Variants in PCDHA11 observed in about 807,000 individuals in gnomAD.
PCDHA11 encodes protocadherin alpha 11.
In PCDHA11, 61 loss-of-function variants were observed where a neutral mutation model predicts 70.3. The observed-to-expected ratio is 0.87, with a 90% CI of 0.71 to 1.07. The LOEUF (loss-of-function observed/expected upper bound fraction) is 1.07. Ranked by LOEUF, PCDHA11 falls within the 50% of genes least tolerant of loss-of-function variation. The probability of loss-of-function intolerance (pLI) is 0.00; values close to 1 mark genes in which losing one functional copy is unlikely to be tolerated. For missense variants in PCDHA11, 1,324 were observed against 1,237.5 expected (o/e 1.07, Z -1.05); for synonymous variants, 633 against 555.1 (o/e 1.14, Z -1.97).
intron 1 of PCDHA11, chr5:140,876,900 G>T: frequency 1.2e-6 from 2 of 1,614,114 alleles, no homozygotes; most frequent in East Asian, 2.2e-5. Context: ...ACATCTTCAC[G>T]GTGTCGGCAT....
intron 1 of PCDHA11, chr5:140,882,663 T>C (rs782768442): frequency 4.0e-5 from 65 of 1,614,026 alleles, no homozygotes; most frequent in Non-Finnish European, 5.3e-5. Flanking sequence ...AACCCGCCCA[T>C]ATTCCCTGAA....
chr5:140,978,406 T>C (rs1268497033), intron 1 of PCDHA11, among the ~76,000 whole-genome samples: 1 of 152,206 alleles, frequency 6.6e-6, no homozygotes, highest in African/African-American at 2.4e-5. Context: ...CCCTCTTCAA[T>C]CAGAAAAGAG....
rs782037799 is a variant in PCDHA11 at position 140,877,180 on chromosome 5, G to A, written c.2391+5686G>A. ...CGCGCCGGCACTGCTGGCGACTCCG[G>A]CTGGCAGCGCAGGAGGCGCAGTTAG... On this transcript the variant is annotated intron_variant, in intron 1 of 3. Transcript: ENST00000398640. The A allele has an allele frequency of 1.1e-5, 18 of 1,613,692 alleles. No individual in the cohort carries two copies. In the South Asian group the frequency reaches 1.5e-4, roughly 14 times the overall value.
chr5:140,954,750 T>C (rs1045434392), intron 1 of PCDHA11, among the ~76,000 whole-genome samples: 7 of 152,228 alleles, frequency 4.6e-5, no homozygotes, highest in Non-Finnish European at 2.9e-5. Flanking sequence ...TAGTTTCTTT[T>C]GCTGTGCAGA....
chr5:140,941,462 C>T (rs1323217881), intron 1 of PCDHA11, among the ~76,000 whole-genome samples: 1 of 150,980 alleles, frequency 6.6e-6, no homozygotes, highest in Non-Finnish European at 1.5e-5. Context: ...ATTACAGGCG[C>T]CCACCACCAC....
intron 1 of PCDHA11, chr5:140,966,805 T>C (rs1554228690): frequency 6.5e-7 from 1 of 1,545,566 alleles, no homozygotes; most frequent in South Asian, 1.2e-5. Flanking sequence ...CGACAGAGCA[T>C]CCACGGCTCC....
At chr5:140,907,411 GA>G (rs1435126945) in intron 1 of PCDHA11, among the ~76,000 whole-genome samples, 1 of 152,192 alleles carries the variant, frequency 6.6e-6, no homozygotes, top group Non-Finnish European at 1.5e-5. Flanking sequence ...GGAATACCAC[GA>G]TGGTGGATAA....
intron 3 of PCDHA11, among the ~76,000 whole-genome samples, chr5:140,986,828 G>A (rs1001117075): frequency 3.9e-5 from 6 of 152,146 alleles, no homozygotes; most frequent in Non-Finnish European, 5.9e-5. Flanking sequence ...TTTAGACAAT[G>A]GTTCTCAAAG....
chr5:140,927,416 C>T (rs782053183), intron 1 of PCDHA11: 6 of 1,613,980 alleles, frequency 3.7e-6, no homozygotes, highest in Admixed American at 3.3e-5. Context: ...GACATGGGAT[C>T]GCGGGTTGAC....
rs1554162619 is a variant in PCDHA11 at position 140,869,195 on chromosome 5, T to A, written c.92T>A (p.Leu31His). ...LEFWEVGSGQ[L>H]HYSVSEEAKH... The stretch of plus-strand genomic sequence containing the variant: ...TTCTGGGAGGTGGGGAGCGGCCAGC[T>A]CCACTACTCCGTCTCGGAGGAGGCC... Residue 31 changes from leucine (L) to histidine (H), a missense_variant, in exon 1 of 4, where the codon CTC becomes CAC. Physicochemically the swap from Leu to His is moderately conservative, Grantham distance 99 (BLOSUM62 -3). Coordinates refer to ENST00000398640, the MANE Select transcript of PCDHA11 (RefSeq NM_018902.5). 1 of 1,613,916 alleles carries A rather than the reference T, an allele frequency of 6.2e-7. No individual in the cohort carries two copies. Among genetic ancestry groups the A allele is most frequent in the East Asian group, 2.2e-5 (1 of 44,872 alleles).
chr5:140,915,281 C>T (rs1554196839), intron 1 of PCDHA11, among the ~76,000 whole-genome samples: 2 of 152,090 alleles, frequency 1.3e-5, no homozygotes, highest in Non-Finnish European at 2.9e-5. Flanking sequence ...TCATCATTTA[C>T]TCTTTCTACT....
intron 1 of PCDHA11, among the ~76,000 whole-genome samples, chr5:140,880,837 A>G (rs2058501881): frequency 1.3e-5 from 2 of 152,230 alleles, no homozygotes; most frequent in African/African-American, 4.8e-5. Flanking sequence ...CATATTTTAA[A>G]TGGTTGACTA....
At chr5:140,948,823 A>G (rs1554218722) in intron 1 of PCDHA11, among the ~76,000 whole-genome samples, 2 of 151,238 alleles carry the variant, frequency 1.3e-5, no homozygotes, top group African/African-American at 4.8e-5. Flanking sequence ...TATTTCATTA[A>G]TTTCTGCTTT....
chr5:140,969,600 C>CTAAAACACA, intron 1 of PCDHA11: 1 of 778,552 alleles, frequency 1.3e-6, no homozygotes, highest in South Asian at 2.1e-5. Flanking sequence ...ATATTTAATG[C>CTAAAACACA]TAAAACACAG....
intron 1 of PCDHA11, chr5:140,884,779 G>C: frequency 1.4e-6 from 2 of 1,404,226 alleles, no homozygotes; most frequent in Non-Finnish European, 1.9e-6. Context: ...TTTTAATTTT[G>C]CTAGTTGTTA....
intron 1 of PCDHA11, among the ~76,000 whole-genome samples, chr5:140,910,005 G>T (rs1554194067): frequency 1.3e-5 from 2 of 152,212 alleles, no homozygotes; most frequent in African/African-American, 4.8e-5. Flanking sequence ...ATTGTTGTCA[G>T]TGTCATCCTT....
intron 1 of PCDHA11, among the ~76,000 whole-genome samples, chr5:140,976,508 G>A (rs1039409709): frequency 6.6e-6 from 1 of 151,976 alleles, no homozygotes; most frequent in Non-Finnish European, 1.5e-5. Context: ...CCAAGATCGC[G>A]CCACTGCACA....
intron 1 of PCDHA11, among the ~76,000 whole-genome samples, chr5:140,915,642 C>CTCTG (rs1236956905): frequency 1.3e-5 from 2 of 152,012 alleles, no homozygotes; most frequent in African/African-American, 2.4e-5. Context: ...CTCTCTCTCT[C>CTCTG]TCTCTCTCTC....
chr5:140,929,460 C>A, intron 1 of PCDHA11: 1 of 1,331,154 alleles, frequency 7.5e-7, no homozygotes, highest in Non-Finnish European at 1.0e-6. Context: ...ACTTCCTGTG[C>A]CAAGAAATCT....
Sources: gnomAD v4.1 joint callset for allele counts (sites outside exome capture counted in the v4.1 genomes callset) on GRCh38, gnomAD v4.1.1 for gene constraint, MANE v1.5 for transcripts, NCBI Gene and HGNC (gene_info 2026-07-23, HGNC 2026-07-21) for gene names.